Variants in SLC15A5 observed in about 807,000 individuals in gnomAD.
SLC15A5 encodes the protein solute carrier family 15 member 5.
Under a neutral mutation model 56.1 loss-of-function variants are expected in SLC15A5, and 58 were observed. That is an observed-to-expected ratio of 1.03 (90% confidence interval 0.84 to 1.29). SLC15A5 has a LOEUF of 1.29. SLC15A5 is among the 50% of genes most tolerant of loss of function. The probability of loss-of-function intolerance (pLI) is 0.00; values close to 1 mark genes in which losing one functional copy is unlikely to be tolerated. For synonymous variants in SLC15A5, 264 were observed against 250.5 expected (o/e 1.05, Z -0.51); for missense variants, 681 against 672.1 (o/e 1.01, Z -0.15).
chr12:16,277,556 T>C lies in SLC15A5; in HGVS notation c.130A>G (p.Ile44Val), dbSNP rs1369692739. The C allele has an allele frequency of 6.5e-7, 1 of 1,536,624 alleles. No homozygotes were observed. Residue 44 changes from isoleucine to valine, a missense_variant, in exon 1 of 9, where the codon ATC (isoleucine) becomes GTC (valine). Transcript: ENST00000344941. ...CACAGCTCCACCAGAAGCAAGCAGA[T>C]TCCAACCTGAATTTTTTTCACAGAG... ...SHSVKKIQVG[I>V]CLLLVELCER...
In SLC15A5 at chr12:16,276,711, AT is replaced by A. The variant is rs1236505529; in HGVS notation, c.361+613del. 1.0e-3 allele frequency among the ~76,000 whole-genome samples: 156 copies of A among 152,108 alleles called. 1 individual carries two copies. The highest frequency in any genetic ancestry group is 9.3e-4 in the Non-Finnish European group (63 of 67,974). ...CTATTTCTTATTAAACTATCTTGAT[AT>A]TTTCCCAGCATTTCTCACAATCGGT... On this transcript the variant is annotated intron_variant, in intron 1 of 8. Coordinates refer to ENST00000344941, the MANE Select transcript of SLC15A5 (RefSeq NM_001170798.1).
At chr12:16,208,375 C>G (rs1342343705) in intron 7 of SLC15A5, among the ~76,000 whole-genome samples, 1 of 152,150 alleles carries the variant, frequency 6.6e-6, no homozygotes, top group Non-Finnish European at 1.5e-5. Context: ...ACTCAAATGT[C>G]TCTCAGAAAT....
At chr12:16,259,134 G>C (rs10846317) in intron 2 of SLC15A5, among the ~76,000 whole-genome samples, 69,341 of 145,380 alleles carry the variant, frequency 0.48, 16,367 homozygotes, top group South Asian at 0.64. Flanking sequence ...CAGGCTGAAG[G>C]AATCCTACTG....
chr12:16,268,531 T>G (rs1759491099), intron 2 of SLC15A5, among the ~76,000 whole-genome samples: 1 of 152,234 alleles, frequency 6.6e-6, no homozygotes, highest in East Asian at 1.9e-4. Context: ...GCTTTGATTT[T>G]GTTTGCTGAA....
intron 3 of SLC15A5, among the ~76,000 whole-genome samples, chr12:16,249,937 G>C (rs939085703): frequency 1.3e-5 from 2 of 151,888 alleles, no homozygotes; most frequent in Non-Finnish European, 2.9e-5. Flanking sequence ...GGGACTTTTT[G>C]CATATTGACC....
chr12:16,225,224 T>A (rs1286864787), intron 5 of SLC15A5, among the ~76,000 whole-genome samples: 1 of 152,200 alleles, frequency 6.6e-6, no homozygotes, highest in Non-Finnish European at 1.5e-5. Context: ...ATGATTTATA[T>A]TCCTTTGGGT....
At chr12:16,216,741 G>A (rs1864133002) in intron 7 of SLC15A5, among the ~76,000 whole-genome samples, 152 bp downstream of exon 7, 2 of 152,104 alleles carry the variant, frequency 1.3e-5, no homozygotes. Flanking sequence ...AATACAGCAA[G>A]AGTGTATTTC....
rs1477155290 is a variant in SLC15A5 at position 16,237,261 on chromosome 12, T to C, written c.1162+2420A>G. ...TAATCATAACCAGAATATGGAAAAC[T>C]TAAGCAAATATCTAGTTTAAAAGAC... On this transcript the variant is annotated intron_variant, in intron 5 of 8. Transcript: ENST00000344941. This position sits in a 1 kb window ranked among gnomAD's most constrained non-coding sequence, Gnocchi z 4.1. Among the ~76,000 whole-genome samples the C allele has an allele frequency of 2.0e-5, 3 of 152,184 alleles. No individual in the cohort carries two copies. The East Asian group carries it at 5.8e-4, about 29-fold the overall frequency.
chr12:16,201,706 T>G (rs1444935115), intron 7 of SLC15A5, among the ~76,000 whole-genome samples: 1 of 152,154 alleles, frequency 6.6e-6, no homozygotes, highest in Non-Finnish European at 1.5e-5. Context: ...GAAGGTGCCT[T>G]GCTTCCCCTT....
chr12:16,227,567 G>A (rs557767699), intron 5 of SLC15A5, among the ~76,000 whole-genome samples: 33 of 152,282 alleles, frequency 2.2e-4, no homozygotes, highest in South Asian at 1.7e-3. Context: ...AGCAGCACAC[G>A]TGGCATGAGC....
At chr12:16,194,708 C>A (rs1199084332) in intron 7 of SLC15A5, among the ~76,000 whole-genome samples, 1 of 152,068 alleles carries the variant, frequency 6.6e-6, no homozygotes, top group African/African-American at 2.4e-5. Context: ...GTCAGAAGAA[C>A]TGGGTTGTAA....
At chr12:16,273,222 C>G (rs1363634566) in intron 1 of SLC15A5, among the ~76,000 whole-genome samples, 1 of 151,988 alleles carries the variant, frequency 6.6e-6, no homozygotes, top group Non-Finnish European at 1.5e-5. Flanking sequence ...AAGCTTATTA[C>G]CTAAAAGCTT....
At chr12:16,227,274 C>G (rs1405054408) in intron 5 of SLC15A5, among the ~76,000 whole-genome samples, 1 of 152,156 alleles carries the variant, frequency 6.6e-6, no homozygotes, top group Non-Finnish European at 1.5e-5. Flanking sequence ...GATTTTAAGA[C>G]CAAATTCATT....
At chr12:16,259,024 C>CTTTTTTTTTTTTTTTT (rs5796661) in intron 2 of SLC15A5, among the ~76,000 whole-genome samples, 1 of 63,218 alleles carries the variant, frequency 1.6e-5, no homozygotes. Flanking sequence ...TCTTTCTTTC[C>CTTTTTTTTTTTTTTTT]TTTTTTTTTT....
intron 8 of SLC15A5, among the ~76,000 whole-genome samples, chr12:16,192,453 C>T (rs572637898): frequency 6.6e-6 from 1 of 152,158 alleles, no homozygotes; most frequent in Admixed American, 6.6e-5. Flanking sequence ...ATTCTTACCT[C>T]CTCCTCTGCA....
chr12:16,254,129 A>G (rs569794778), intron 3 of SLC15A5, among the ~76,000 whole-genome samples: 12 of 152,186 alleles, frequency 7.9e-5, no homozygotes, highest in East Asian at 3.9e-4. Context: ...CTCAAGGTAT[A>G]TCCATGTTGT....
chr12:16,222,721 G>A (rs1416186827), intron 6 of SLC15A5, among the ~76,000 whole-genome samples: 2 of 152,124 alleles, frequency 1.3e-5, no homozygotes, highest in Admixed American at 1.3e-4. Context: ...ACAGTCATTG[G>A]TTTTCTGTAC....
intron 7 of SLC15A5, among the ~76,000 whole-genome samples, chr12:16,205,092 C>A (rs1206701362): frequency 6.6e-6 from 1 of 151,078 alleles, no homozygotes; most frequent in South Asian, 2.1e-4. Flanking sequence ...CAAAAGAAGA[C>A]CAAAAGAAAA....
intron 2 of SLC15A5, among the ~76,000 whole-genome samples, chr12:16,263,259 C>T (rs80202473): frequency 0.053 from 8,070 of 152,140 alleles, 329 homozygotes; most frequent in African/African-American, 0.11. Flanking sequence ...GAAACTGGAA[C>T]AAAGGTGACT....
Sources: allele counts gnomAD v4.1 joint callset (sites outside exome capture counted in the v4.1 genomes callset), GRCh38; gene constraint gnomAD v4.1.1; non-coding constraint Gnocchi (gnomAD v3.1); transcripts MANE v1.5; gene names NCBI Gene and HGNC (gene_info 2026-07-23, HGNC 2026-07-21).